Variants in SLC23A2 observed in about 807,000 individuals in gnomAD.
SLC23A2 encodes the protein solute carrier family 23 member 2.
Under a neutral mutation model 73.3 loss-of-function variants are expected in SLC23A2, and 36 were observed. The observed-to-expected ratio is 0.49, with a 90% CI of 0.38 to 0.65. The LOEUF (loss-of-function observed/expected upper bound fraction) is 0.65. Ranked by LOEUF, SLC23A2 falls within the 30% of genes least tolerant of loss-of-function variation. SLC23A2 has a pLI of 0.00. For missense variants in SLC23A2, 507 were observed against 841.6 expected (o/e 0.60, Z 4.92); for synonymous variants, 343 against 327.3 (o/e 1.05, Z -0.52).
At chr20:4,980,134 G>A (rs2087703691) in intron 1 of SLC23A2, among the ~76,000 whole-genome samples, 2 of 152,164 alleles carry the variant, frequency 1.3e-5, no homozygotes, top group African/African-American at 2.4e-5. Context: ...GTTTTATTAT[G>A]GCAATACTTC....
At chr20:4,858,847 T>C (rs1929840247) in intron 16 of SLC23A2, among the ~76,000 whole-genome samples, 1 of 152,182 alleles carries the variant, frequency 6.6e-6, no homozygotes, top group Non-Finnish European at 1.5e-5. Flanking sequence ...TACTGCCTTC[T>C]GGTCTTAGTT....
intron 1 of SLC23A2, among the ~76,000 whole-genome samples, chr20:4,992,065 G>A (rs778065476): frequency 9.2e-5 from 14 of 152,092 alleles, no homozygotes; most frequent in South Asian, 2.1e-4. Flanking sequence ...AGCCGAGATC[G>A]CGCCATTACA....
At chr20:4,984,623 T>G (rs895985686) in intron 1 of SLC23A2, among the ~76,000 whole-genome samples, 4 of 151,658 alleles carry the variant, frequency 2.6e-5, no homozygotes, top group Non-Finnish European at 5.9e-5. Context: ...TAGACATCAC[T>G]GCAAAGACAG....
At chr20:5,003,568 C>T (rs1179825636), upstream of SLC23A2, among the ~76,000 whole-genome samples, 2 of 150,168 alleles carry the variant, frequency 1.3e-5, no homozygotes, top group African/African-American at 4.9e-5. Context: ...GTGGAGTCTT[C>T]TGATTAGAAG....
In SLC23A2 at chr20:4,868,998, C is replaced by T. The variant is rs1195105740; in HGVS notation, c.1250+908G>A. 1.3e-5 allele frequency: 2 copies of T among 152,192 alleles called. No individual in the cohort carries two copies. The highest frequency in any genetic ancestry group is 1.9e-4 in the East Asian group (1 of 5,202). 9.4% of individuals were successfully genotyped at this position (152,192 alleles called of 1,614,324 possible). Reference sequence around the variant, plus strand: ...AATTGGAACGTATCTAATTGACAGACCTGGGGCATACTGCCTGCTGCTAAG... The same window carrying T: ...AATTGGAACGTATCTAATTGACAGATCTGGGGCATACTGCCTGCTGCTAAG... On this transcript the variant is annotated intron_variant, in intron 12 of 16. Coordinates refer to ENST00000338244, the MANE Select transcript of SLC23A2 (RefSeq NM_005116.6). This position sits in a 1 kb window ranked among gnomAD's most constrained non-coding sequence, Gnocchi z 4.4.
At chr20:4,955,059 G>A (rs1010177244) in intron 2 of SLC23A2, among the ~76,000 whole-genome samples, 1 of 151,962 alleles carries the variant, frequency 6.6e-6, no homozygotes, top group Non-Finnish European at 1.5e-5. Flanking sequence ...CCAGGGCAAC[G>A]TAACAAGACC....
At chr20:4,939,677 G>C (rs2087011862) in intron 2 of SLC23A2, among the ~76,000 whole-genome samples, 1 of 152,192 alleles carries the variant, frequency 6.6e-6, no homozygotes, top group African/African-American at 2.4e-5. Flanking sequence ...AGAAGAACAT[G>C]TGACTGAGAT....
chr20:4,994,811 G>A (rs561388339), intron 1 of SLC23A2, among the ~76,000 whole-genome samples: 3 of 151,522 alleles, frequency 2.0e-5, no homozygotes, highest in South Asian at 2.1e-4. Flanking sequence ...TGCAGTGACC[G>A]TAATCCCAAC....
chr20:5,003,371 A>G (rs181672614), upstream of SLC23A2, among the ~76,000 whole-genome samples: 118 of 151,948 alleles, frequency 7.8e-4, no homozygotes, highest in African/African-American at 2.0e-3. Context: ...GCGACAGAGC[A>G]AGACTCCGTC....
chr20:4,876,098 A>G (rs6107546), intron 9 of SLC23A2, among the ~76,000 whole-genome samples: 25,002 of 152,192 alleles, frequency 0.16, 2,494 homozygotes, highest in African/African-American at 0.27. Context: ...CGTTATTTCA[A>G]TTCCTCTGGG....
rs541089731 is a variant in SLC23A2 at position 4,948,856 on chromosome 20, C to T, written c.-154-16140G>A. ...TCTGAACCTGACATTTTTTAATAAC[C>T]CAAAGACCTTAAAAGAATTAAAAAT... On this transcript the variant is annotated intron_variant, in intron 2 of 16. Coordinates refer to ENST00000338244, the MANE Select transcript of SLC23A2 (RefSeq NM_005116.6). Among the ~76,000 whole-genome samples, 35 of 152,190 alleles carry T rather than the reference C, an allele frequency of 2.3e-4. No homozygotes were observed. In the East Asian group the frequency reaches 5.6e-3, roughly 24 times the overall value.
intron 5 of SLC23A2, among the ~76,000 whole-genome samples, chr20:4,901,831 C>A (rs1264225347): frequency 1.3e-5 from 2 of 152,186 alleles, no homozygotes; most frequent in East Asian, 3.8e-4. Context: ...AAATTAATTT[C>A]TCTTTTCTCT....
At chr20:4,948,610 G>A (rs1003986050) in intron 2 of SLC23A2, among the ~76,000 whole-genome samples, 4 of 152,172 alleles carry the variant, frequency 2.6e-5, no homozygotes, top group African/African-American at 9.7e-5. Flanking sequence ...TTCTTCCCCA[G>A]GTTAACACCA....
intron 1 of SLC23A2, among the ~76,000 whole-genome samples, chr20:4,994,023 G>A (rs2087975678): frequency 6.6e-6 from 1 of 152,180 alleles, no homozygotes; most frequent in South Asian, 2.1e-4. Flanking sequence ...CCGGGAGGCA[G>A]AAGCTGCAAG....
chr20:4,925,419 T>A (rs1240988443), intron 3 of SLC23A2, among the ~76,000 whole-genome samples: 1 of 152,134 alleles, frequency 6.6e-6, no homozygotes, highest in Non-Finnish European at 1.5e-5. Context: ...GATTGACGTA[T>A]TTGCTTGTTT....
At chr20:4,875,032 A>G (rs8115867) in intron 9 of SLC23A2, among the ~76,000 whole-genome samples, 50,052 of 152,094 alleles carry the variant, frequency 0.33, 8,578 homozygotes, top group African/African-American at 0.41. Context: ...CTCTATGTAA[A>G]GGGAAAGGAT....
At chr20:4,935,357 A>G (rs1568631816) in intron 2 of SLC23A2, among the ~76,000 whole-genome samples, 1 of 152,092 alleles carries the variant, frequency 6.6e-6, no homozygotes, top group Non-Finnish European at 1.5e-5. Context: ...CCACATCCAG[A>G]CCACCTCAGG....
intron 3 of SLC23A2, among the ~76,000 whole-genome samples, chr20:4,914,623 A>C (rs1209350801): frequency 6.6e-6 from 1 of 152,222 alleles, no homozygotes; most frequent in African/African-American, 2.4e-5. Flanking sequence ...GGTAATATAT[A>C]TATTCAAGGT....
At chr20:4,859,264 A>AAAG (rs1568599132) in intron 16 of SLC23A2, 25 bp downstream of exon 16, 1 of 1,345,096 alleles carries the variant, frequency 7.4e-7, no homozygotes, top group Non-Finnish European at 1.0e-6. Flanking sequence ...AAAAAAAAAA[A>AAAG]GTGTGTTTGA....
Sources: gnomAD v4.1 joint callset for allele counts (sites outside exome capture counted in the v4.1 genomes callset) on GRCh38, gnomAD v4.1.1 for gene constraint, Gnocchi (gnomAD v3.1) non-coding constraint, MANE v1.5 for transcripts, NCBI Gene and HGNC (gene_info 2026-07-23, HGNC 2026-07-21) for gene names.